The following CMKLR2 variants were observed in gnomAD, a reference collection of about 807,000 sequenced individuals.
CMKLR2 encodes the protein chemerin chemokine-like receptor 2, also known as chemerin-like receptor 2.
In CMKLR2, 18 loss-of-function variants were observed where a neutral mutation model predicts 23.0. The observed-to-expected ratio is 0.78, with a 90% CI of 0.54 to 1.16. The LOEUF (loss-of-function observed/expected upper bound fraction) is 1.16. Among genes scored for constraint, CMKLR2 ranks in the 50% most tolerant of loss-of-function variants. The probability of loss-of-function intolerance (pLI) is 0.00; values close to 1 mark genes in which losing one functional copy is unlikely to be tolerated. For synonymous variants in CMKLR2, 158 were observed against 158.9 expected (o/e 0.99, Z 0.05); for missense variants, 401 against 412.7 (o/e 0.97, Z 0.25).
chr2:206,200,003 A>G (rs1689043363), intron 1 of CMKLR2, among the ~76,000 whole-genome samples: 1 of 152,236 alleles, frequency 6.6e-6, no homozygotes, highest in Non-Finnish European at 1.5e-5. Flanking sequence ...AGTATATACC[A>G]ATAGCTGTAT....
intron 1 of CMKLR2, among the ~76,000 whole-genome samples, chr2:206,195,545 C>A (rs1559091419): frequency 2.0e-5 from 3 of 152,166 alleles, no homozygotes; most frequent in African/African-American, 7.2e-5. Context: ...ACTAAGTGGA[C>A]TTTTCACATC....
intron 1 of CMKLR2, among the ~76,000 whole-genome samples, chr2:206,197,300 G>A (rs925596294): frequency 6.6e-6 from 1 of 152,186 alleles, no homozygotes; most frequent in Non-Finnish European, 1.5e-5. Context: ...ATGTGAACCT[G>A]TAGGACTGCA....
chr2:206,216,323 G>A (rs1027128554), upstream of CMKLR2, among the ~76,000 whole-genome samples: 2 of 152,076 alleles, frequency 1.3e-5, no homozygotes, highest in Admixed American at 6.5e-5. Context: ...AAGTGGTGGC[G>A]TGCACCTGTA....
intron 1 of CMKLR2, among the ~76,000 whole-genome samples, chr2:206,186,923 C>G (rs565009356): frequency 1.3e-5 from 2 of 151,876 alleles, no homozygotes; most frequent in Admixed American, 6.6e-5. Context: ...CACAGGGGCC[C>G]ACACCTGTAA....
At chr2:206,192,908 CAT>C (rs1688799024) in intron 1 of CMKLR2, among the ~76,000 whole-genome samples, 2 of 152,022 alleles carry the variant, frequency 1.3e-5, no homozygotes, top group Non-Finnish European at 1.5e-5. Context: ...CACATCATTC[CAT>C]ATACTTTAAA....
chr2:206,217,050 T>G (rs1689776840), upstream of CMKLR2, among the ~76,000 whole-genome samples: 1 of 152,226 alleles, frequency 6.6e-6, no homozygotes, highest in Admixed American at 6.5e-5. Flanking sequence ...TCAAGTCATA[T>G]TAATTTTTGT....
At chr2:206,178,256 C>A (rs1313263443) in intron 1 of CMKLR2, among the ~76,000 whole-genome samples, 1 of 152,102 alleles carries the variant, frequency 6.6e-6, no homozygotes, top group African/African-American at 2.4e-5. Flanking sequence ...CAGAGCAGGA[C>A]CCCACCTCAA....
At position 206,176,894 on chromosome 2, in the gene CMKLR2, CT is replaced by C. The variant is rs1188891499; in HGVS notation, c.353del (p.Gln118ArgfsTer2). On this transcript the variant is annotated frameshift_variant, in exon 2 of 2. Transcript: ENST00000621141. LOFTEE classifies it high-confidence loss of function. ...WLCKANSFTA[Q>X]LNMFASVFFL... ...AAAAAACACTGGCAAACATGTTCAA[CT>C]GGGCAGTGAAGGAATTGGCTTTGCA... is the stretch of plus-strand genomic sequence containing the variant. 6.2e-7 allele frequency: 1 copy of C among 1,614,188 alleles called. No individual in the cohort carries two copies. Among genetic ancestry groups the C allele is most frequent in the South Asian group, 1.1e-5 (1 of 91,080 alleles).
intron 1 of CMKLR2, among the ~76,000 whole-genome samples, chr2:206,187,785 T>C (rs985886652): frequency 3.9e-5 from 6 of 152,080 alleles, no homozygotes; most frequent in Non-Finnish European, 8.8e-5. Context: ...TGAGAGATGA[T>C]GGGAGGATGT....
At chr2:206,214,165 A>ATTTTTTTTTT (rs34307347), upstream of CMKLR2, among the ~76,000 whole-genome samples, 44 of 64,940 alleles carry the variant, frequency 6.8e-4, 2 homozygotes, top group Non-Finnish European at 8.7e-4. Flanking sequence ...TAAAGACTTG[A>ATTTTTTTTTT]TTTTTTTTTT....
chr2:206,201,750 G>C (rs115319174), intron 1 of CMKLR2, among the ~76,000 whole-genome samples: 5,453 of 152,250 alleles, frequency 0.036, 139 homozygotes, highest in Middle Eastern at 0.085. Context: ...CAGCACCTAG[G>C]GGTACTGTGT....
chr2:206,191,154 G>A (rs1559089022), intron 1 of CMKLR2, among the ~76,000 whole-genome samples: 1 of 152,166 alleles, frequency 6.6e-6, no homozygotes. Context: ...CCTGTTTCTG[G>A]CTGTGGGATC....
intron 1 of CMKLR2, among the ~76,000 whole-genome samples, chr2:206,186,468 GGCCCTACCTTTGA>G (rs1688584789): frequency 6.6e-6 from 1 of 152,080 alleles, no homozygotes; most frequent in East Asian, 1.9e-4. Flanking sequence ...AACTTCTCTA[GGCCCTACCTTTGA>G]GCACTGTGGT....
intron 1 of CMKLR2, among the ~76,000 whole-genome samples, chr2:206,213,033 C>G (rs911892142): frequency 6.6e-6 from 1 of 152,180 alleles, no homozygotes; most frequent in Non-Finnish European, 1.5e-5. Context: ...TTTGTCCGCC[C>G]ACCCCAGCAA....
rs190734758 is a variant in CMKLR2 at position 206,189,256 on chromosome 2, G to A, written c.-28-11981C>T. Among the ~76,000 whole-genome samples, 3 of 152,234 alleles carry A rather than the reference G, an allele frequency of 2.0e-5. No individual in the cohort carries two copies. The East Asian group carries it at 5.8e-4, about 30-fold the overall frequency. On this transcript the variant is annotated intron_variant, in intron 1 of 1. Coordinates refer to ENST00000621141, the MANE Select transcript of CMKLR2 (RefSeq NM_001389445.1). The stretch of plus-strand genomic sequence containing the variant: ...AGTTCCTCACACACTCTGGTAAAAA[G>A]AACTCAAGCTCTGAATGTGTCTCCT...
intron 1 of CMKLR2, among the ~76,000 whole-genome samples, chr2:206,196,639 T>C (rs1688931909): frequency 6.6e-6 from 1 of 152,184 alleles, no homozygotes; most frequent in Admixed American, 6.5e-5. Context: ...TCTTCTCACC[T>C]CCACCTCCAG....
chr2:206,217,650 T>C (rs371805181), upstream of CMKLR2: 32 of 152,332 alleles, frequency 2.1e-4, no homozygotes, highest in African/African-American at 7.7e-4. Flanking sequence ...GTTTTATCTC[T>C]AATTTGAATA....
intron 1 of CMKLR2, among the ~76,000 whole-genome samples, chr2:206,192,624 C>CT (rs770431915): frequency 6.3e-4 from 92 of 146,280 alleles, no homozygotes; most frequent in Middle Eastern, 7.1e-3. Flanking sequence ...TGCTCTACCA[C>CT]TTTTTTTTTT....
chr2:206,179,318 G>T (rs1372151937), intron 1 of CMKLR2, among the ~76,000 whole-genome samples: 1 of 144,638 alleles, frequency 6.9e-6, no homozygotes, highest in Non-Finnish European at 1.5e-5. Flanking sequence ...CCGGTGATTC[G>T]CCCACCTTGG....
Sources: allele counts gnomAD v4.1 joint callset (sites outside exome capture counted in the v4.1 genomes callset), GRCh38; gene constraint gnomAD v4.1.1; transcripts MANE v1.5; gene names NCBI Gene and HGNC (gene_info 2026-07-23, HGNC 2026-07-21).